DST: variants seen among roughly 807,000 people sequenced by gnomAD.
The protein encoded by DST is dystonin, also known as bullous pemphigoid antigen.
In DST, 253 loss-of-function variants were observed where a neutral mutation model predicts 875.2. That is an observed-to-expected ratio of 0.29 (90% CI 0.26 to 0.32). The LOEUF (loss-of-function observed/expected upper bound fraction) is 0.32, where lower values mean the gene tolerates loss of function less well. Among genes scored for constraint, DST ranks in the 10% least tolerant of loss-of-function variants. DST has a pLI of 1.00. For synonymous variants in DST, 3,124 were observed against 3,197.1 expected, an observed-to-expected ratio of 0.98 and a Z score of 0.77; for missense variants, 8,287 against 9,111.6, an observed-to-expected ratio of 0.91 and a Z score of 3.68.
At chr6:56,746,036 C>T (rs111305800) in intron 4 of DST, among the ~76,000 whole-genome samples, 8 of 152,058 alleles carry the variant, frequency 5.3e-5, no homozygotes, top group Non-Finnish European at 1.2e-4. Flanking sequence ...GGCTAGAGTA[C>T]AGTGGCATGA....
At chr6:56,509,948 ATT>A in intron 73 of DST, 75 bp from the exon 74 acceptor site, 1 of 1,168,678 alleles carries the variant, frequency 8.6e-7, no homozygotes, top group Non-Finnish European at 1.2e-6. Flanking sequence ...ATGAAAAAAC[ATT>A]TTTTACAATT....
intron 93 of DST, among the ~76,000 whole-genome samples, chr6:56,473,138 T>C (rs752588245): frequency 1.3e-5 from 2 of 152,240 alleles, no homozygotes; most frequent in Non-Finnish European, 2.9e-5. Context: ...TGAGTTTAAG[T>C]AACTTGTCCA....
intron 10 of DST, among the ~76,000 whole-genome samples, chr6:56,670,238 T>A (rs923506029): frequency 2.0e-5 from 3 of 152,022 alleles, no homozygotes; most frequent in African/African-American, 7.3e-5. Flanking sequence ...TTTTTTTTTT[T>A]ATTTTCTTAA....
chr6:56,691,951 G>A (rs2099233176), intron 9 of DST, among the ~76,000 whole-genome samples: 1 of 152,186 alleles, frequency 6.6e-6, no homozygotes, highest in South Asian at 2.1e-4. Context: ...GAATCAGCAA[G>A]TCGGTATTGA....
At chr6:56,739,830 T>C (rs547402076) in intron 4 of DST, among the ~76,000 whole-genome samples, 1 of 152,232 alleles carries the variant, frequency 6.6e-6, no homozygotes, top group East Asian at 1.9e-4. Context: ...GCATGAATAA[T>C]CCACCCCTTG....
intron 36 of DST, 71 bp from the exon 37 acceptor site, chr6:56,614,555 T>C (rs754004096): frequency 6.8e-5 from 95 of 1,389,424 alleles, no homozygotes; most frequent in Non-Finnish European, 8.2e-5. Context: ...GACCTCTCCA[T>C]AGCAAACAAG....
rs1028513109 is a variant in DST at position 56,553,676 on chromosome 6, T to G, written c.15137-21A>C. The G allele has an allele frequency of 2.5e-6, 4 of 1,595,192 alleles. No individual in the cohort carries two copies. The African/African-American group carries it at 5.4e-5, about 21-fold the overall frequency. On this transcript the variant is annotated intron_variant, in intron 60 of 103. Transcript: ENST00000680361. The stretch of plus-strand genomic sequence containing the variant: ...ATTCTCTAGAAATAAAATTACAAGA[T>G]ATGTTTATTTTACATCAAAATGTTA...
intron 88 of DST, chr6:56,484,375 C>T (rs558287851): frequency 4.6e-4 from 70 of 151,392 alleles, no homozygotes; most frequent in Non-Finnish European, 8.6e-4. Context: ...TCAGGTGTAA[C>T]AAACTCTCTT....
chr6:56,918,639 G>A (rs1802542759), intron 2 of DST, among the ~76,000 whole-genome samples: 1 of 152,182 alleles, frequency 6.6e-6, no homozygotes, highest in Non-Finnish European at 1.5e-5. Flanking sequence ...CTCTAAAAAT[G>A]TACCAAATTA....
intron 69 of DST, among the ~76,000 whole-genome samples, chr6:56,520,272 C>T (rs1342696728): frequency 2.0e-5 from 3 of 151,930 alleles, no homozygotes; most frequent in Non-Finnish European, 4.4e-5. Flanking sequence ...AACAAAAGTC[C>T]TAATATTCAT....
rs553446846 is a variant in DST at position 56,636,240 on chromosome 6, A to T, written c.3060+317T>A. Among the ~76,000 whole-genome samples the T allele has an allele frequency of 1.0e-2, 1,458 of 146,148 alleles. 23 individuals carry two copies. Among genetic ancestry groups the T allele is most frequent in the African/African-American group, 0.035 (1,364 of 38,580 alleles). ...CCTACAAAGAAAACAATTCACATAT[A>T]TATATATATATATATACACACACAC... On this transcript the variant is annotated intron_variant, in intron 23 of 103. Coordinates refer to ENST00000680361, the MANE Select transcript of DST (RefSeq NM_001374736.1).
chr6:56,824,271 G>A (rs370031432), intron 4 of DST, among the ~76,000 whole-genome samples: 2 of 152,332 alleles, frequency 1.3e-5, no homozygotes, highest in Non-Finnish European at 2.9e-5. Flanking sequence ...TCGGCCTCTC[G>A]AGGTGCCGGG....
Position 56,781,513 on chromosome 6 carries a change from GCTCT to G in DST, c.626-46228_626-46225del, listed in dbSNP as rs1177688702. ...TGAATGGGAGTTCACTCATGATTTG[GCTCT>G]CTGTTTGTCTGTTATTGGTGTACAA... On this transcript the variant is annotated intron_variant, in intron 4 of 103. Transcript: ENST00000680361. 2.0e-5 allele frequency among the ~76,000 whole-genome samples: 3 copies of G among 152,162 alleles called. No homozygotes were observed. In the East Asian group the frequency reaches 5.8e-4, roughly 29 times the overall value.
At chr6:56,916,133 AC>A (rs1282981145) in intron 2 of DST, among the ~76,000 whole-genome samples, 3 of 152,202 alleles carry the variant, frequency 2.0e-5, no homozygotes, top group African/African-American at 7.2e-5. Context: ...ATGAATATGT[AC>A]AGGCAAGAGC....
intron 55 of DST, among the ~76,000 whole-genome samples, chr6:56,566,925 G>A (rs1329677354): frequency 6.6e-6 from 1 of 152,196 alleles, no homozygotes; most frequent in African/African-American, 2.4e-5. Flanking sequence ...TCAACACTAA[G>A]AGAGAGCATG....
Position 56,527,484 on chromosome 6 carries a change from A to T in DST, c.17922+9T>A, listed in dbSNP as rs1194372850. ...AAGACTAATCCAAAATGCAGAAATC[A>T]GAGCTTACCTTTGGTCTCATTTGTG... On this transcript the variant is annotated intron_variant, in intron 68 of 103. Transcript: ENST00000680361. 2 of 1,611,046 alleles carry T rather than the reference A, an allele frequency of 1.2e-6. No homozygotes were observed. Among genetic ancestry groups the T allele is most frequent in the Non-Finnish European group, 1.7e-6 (2 of 1,178,172 alleles).
At chr6:56,739,974 G>A (rs926753504) in intron 4 of DST, among the ~76,000 whole-genome samples, 2 of 152,162 alleles carry the variant, frequency 1.3e-5, no homozygotes, top group African/African-American at 4.8e-5. Flanking sequence ...GGATTCTCTT[G>A]TCTCAGCCTC....
At chr6:56,510,079 C>A (rs2096440284) in intron 73 of DST, among the ~76,000 whole-genome samples, 1 of 152,146 alleles carries the variant, frequency 6.6e-6, no homozygotes, top group South Asian at 2.1e-4. Flanking sequence ...CTCTGTCACA[C>A]TACCTATGTA....
At chr6:56,530,936 A>C (rs1053293294) in intron 64 of DST, among the ~76,000 whole-genome samples, 2 of 152,194 alleles carry the variant, frequency 1.3e-5, no homozygotes, top group Non-Finnish European at 2.9e-5. Flanking sequence ...TTAACTTCTT[A>C]TCATGTTTAA....
Sources: gnomAD v4.1 joint callset for allele counts (sites outside exome capture counted in the v4.1 genomes callset) on GRCh38, gnomAD v4.1.1 for gene constraint, MANE v1.5 for transcripts, NCBI Gene and HGNC (gene_info 2026-07-23, HGNC 2026-07-21) for gene names.